Variants in ASIC2 observed in about 807,000 individuals in gnomAD.
The protein encoded by ASIC2 is acid-sensing ion channel 2.
A neutral mutation model predicts 57.3 loss-of-function variants in ASIC2; 25 were observed. The observed-to-expected ratio is 0.44, with a 90% confidence interval of 0.32 to 0.61. The LOEUF (loss-of-function observed/expected upper bound fraction) is 0.61, where lower values mean the gene tolerates loss of function less well. Among genes scored for constraint, ASIC2 ranks in the 20% least tolerant of loss-of-function variants. The pLI is 0.06. For missense variants in ASIC2, 641 were observed against 738.1 expected (o/e 0.87, Z 1.52); for synonymous variants, 319 against 307.5 (o/e 1.04, Z -0.39).
intron 1 of ASIC2, among the ~76,000 whole-genome samples, chr17:33,168,778 A>C (rs888779076): frequency 6.6e-6 from 1 of 152,222 alleles, no homozygotes; most frequent in Admixed American, 6.5e-5. Flanking sequence ...CTTAAAGACA[A>C]AATTTACAAA....
At chr17:33,145,780 C>T (rs569403960) in intron 1 of ASIC2, among the ~76,000 whole-genome samples, 1 of 152,290 alleles carries the variant, frequency 6.6e-6, no homozygotes, top group Non-Finnish European at 1.5e-5. Flanking sequence ...GCTGGTTACT[C>T]CTTTCGCCCC....
intron 1 of ASIC2, among the ~76,000 whole-genome samples, chr17:33,560,712 C>T (rs955441397): frequency 2.6e-5 from 4 of 152,110 alleles, no homozygotes; most frequent in African/African-American, 9.7e-5. Flanking sequence ...GACAGAAATT[C>T]ACATTTATTG....
chr17:33,380,462 A>G (rs910507483), intron 1 of ASIC2, among the ~76,000 whole-genome samples: 1 of 152,150 alleles, frequency 6.6e-6, no homozygotes, highest in East Asian at 1.9e-4. Flanking sequence ...CATCTTATGC[A>G]GGAGAAAAAA....
At chr17:33,336,501 G>A (rs534497961) in intron 1 of ASIC2, among the ~76,000 whole-genome samples, 11 of 152,174 alleles carry the variant, frequency 7.2e-5, no homozygotes, top group South Asian at 6.2e-4. Flanking sequence ...CCAGTCCTGC[G>A]GAAGGAAACT....
At chr17:33,310,735 T>C (rs886467254) in intron 1 of ASIC2, among the ~76,000 whole-genome samples, 4 of 152,208 alleles carry the variant, frequency 2.6e-5, no homozygotes, top group Non-Finnish European at 4.4e-5. Context: ...TCTTGGAACA[T>C]GCACCTGCTG....
intron 1 of ASIC2, among the ~76,000 whole-genome samples, chr17:33,125,221 CAG>C (rs1477490236): frequency 6.6e-6 from 1 of 152,184 alleles, no homozygotes; most frequent in East Asian, 1.9e-4. Context: ...TCATGAGTGA[CAG>C]AGGCAGAGGT....
intron 1 of ASIC2, among the ~76,000 whole-genome samples, chr17:33,798,540 CTG>C (rs1228210473): frequency 1.3e-5 from 2 of 152,204 alleles, no homozygotes; most frequent in Non-Finnish European, 2.9e-5. Context: ...GCACCTGGCT[CTG>C]TGGAGCGCAG....
At chr17:33,815,240 A>G (rs574568031) in intron 1 of ASIC2, among the ~76,000 whole-genome samples, 1 of 152,302 alleles carries the variant, frequency 6.6e-6, no homozygotes, top group East Asian at 1.9e-4. Flanking sequence ...GTATCTGCCC[A>G]GCTCCTGAAT....
At chr17:33,543,187 G>C (rs1915474461) in intron 1 of ASIC2, among the ~76,000 whole-genome samples, 3 of 150,416 alleles carry the variant, frequency 2.0e-5, no homozygotes, top group South Asian at 2.1e-4. Flanking sequence ...CCTAATGCTA[G>C]ATGACGAGTT....
At chr17:33,249,877 C>A (rs1434253061) in intron 1 of ASIC2, among the ~76,000 whole-genome samples, 1 of 152,184 alleles carries the variant, frequency 6.6e-6, no homozygotes, top group African/African-American at 2.4e-5. Flanking sequence ...TTGGGACTTA[C>A]TGGCCTGTTA....
intron 1 of ASIC2, among the ~76,000 whole-genome samples, chr17:34,015,088 T>C (rs78153307): frequency 0.044 from 6,539 of 149,602 alleles, 397 homozygotes; most frequent in African/African-American, 0.16. Context: ...TTTTTTTTTT[T>C]TGTAGATACG....
At chr17:33,426,656 C>A (rs1911230471) in intron 1 of ASIC2, among the ~76,000 whole-genome samples, 1 of 152,216 alleles carries the variant, frequency 6.6e-6, no homozygotes, top group African/African-American at 2.4e-5. Flanking sequence ...CTAAATTCTT[C>A]TGGGCCCTGG....
chr17:33,478,098 G>T (rs1034207677), intron 1 of ASIC2, among the ~76,000 whole-genome samples: 5 of 152,180 alleles, frequency 3.3e-5, no homozygotes, highest in African/African-American at 1.2e-4. Context: ...TAGCTTATTA[G>T]GTAGGTGAGG....
intron 1 of ASIC2, among the ~76,000 whole-genome samples, chr17:33,351,852 A>C (rs1327285808): frequency 6.6e-6 from 1 of 152,128 alleles, no homozygotes; most frequent in Non-Finnish European, 1.5e-5. Context: ...TGTGGCATGG[A>C]GTGCTGGGGG....
chr17:33,050,891 G>C (rs958654519), intron 3 of ASIC2, among the ~76,000 whole-genome samples: 2 of 152,014 alleles, frequency 1.3e-5, no homozygotes, highest in African/African-American at 4.8e-5. Context: ...GCATAGATTA[G>C]GTATGAGGTA....
At position 33,971,164 on chromosome 17, in the gene ASIC2, C is replaced by T. The variant is rs541483259; in HGVS notation, c.555+184814G>A. ...ATGATTCACAGCCAAATACAGAAGC[C>T]GGCTGAGCACAGAATCCAAAGACAG... On this transcript the variant is annotated intron_variant, in intron 1 of 9. Transcript: ENST00000359872. Among the ~76,000 whole-genome samples the T allele has an allele frequency of 5.3e-5, 8 of 152,330 alleles. No homozygotes were observed. In the East Asian group the frequency reaches 1.4e-3, roughly 26 times the overall value.
At chr17:33,690,495 T>C (rs778688661) in intron 1 of ASIC2, among the ~76,000 whole-genome samples, 7 of 152,162 alleles carry the variant, frequency 4.6e-5, no homozygotes, top group Non-Finnish European at 8.8e-5. Context: ...GTAAGAAGTG[T>C]TCCCAAGAGA....
chr17:33,639,825 T>A (rs1906499991), intron 1 of ASIC2, among the ~76,000 whole-genome samples: 1 of 150,180 alleles, frequency 6.7e-6, no homozygotes, highest in African/African-American at 2.5e-5. Flanking sequence ...CAGCGGCCAG[T>A]ATTCGGCAGA....
At chr17:34,137,379 T>C (rs1383433586) in intron 1 of ASIC2, among the ~76,000 whole-genome samples, 1 of 152,252 alleles carries the variant, frequency 6.6e-6, no homozygotes, top group Non-Finnish European at 1.5e-5. Flanking sequence ...AATTATATTT[T>C]CCCAGGAAGG....
Sources: allele counts gnomAD v4.1 joint callset (sites outside exome capture counted in the v4.1 genomes callset), GRCh38; gene constraint gnomAD v4.1.1; transcripts MANE v1.5; gene names NCBI Gene and HGNC (gene_info 2026-07-23, HGNC 2026-07-21).